The following CNTN5 variants were observed in gnomAD, a reference collection of about 807,000 sequenced individuals.
CNTN5 encodes contactin-5.
In CNTN5, 77 loss-of-function variants were observed where a neutral mutation model predicts 129.1. The observed-to-expected ratio is 0.60, with a 90% CI of 0.50 to 0.72. The LOEUF is 0.72. Ranked by LOEUF, CNTN5 falls within the 30% of genes least tolerant of loss-of-function variation. The pLI is 0.00. For missense variants in CNTN5, 1,478 were observed against 1,328.8 expected (o/e 1.11, Z -1.75); for synonymous variants, 509 against 465.6 (o/e 1.09, Z -1.20).
At position 99,777,645 on chromosome 11, in the gene CNTN5, G is replaced by C. The variant is rs150499914; in HGVS notation, c.56-41899G>C. Among the ~76,000 whole-genome samples, 261 of 151,798 alleles carry C rather than the reference G, an allele frequency of 1.7e-3. 1 individual carries two copies. The highest frequency in any genetic ancestry group is 6.1e-3 in the African/African-American group (255 of 41,470). On this transcript the variant is annotated intron_variant, in intron 3 of 24. Coordinates refer to ENST00000524871, the MANE Select transcript of CNTN5 (RefSeq NM_014361.4). ...TTTTCTGTTAGACTAGTAAATGTGT[G>C]GTTGCCAAGGGTATATTTCTAAATT...
chr11:99,763,870 T>C (rs992112568), intron 3 of CNTN5, among the ~76,000 whole-genome samples: 1 of 152,038 alleles, frequency 6.6e-6, no homozygotes, highest in Non-Finnish European at 1.5e-5. Flanking sequence ...AAAAATTCTA[T>C]GGGCAAAATA....
In CNTN5 at chr11:99,777,192, CA is replaced by C. The variant is rs560097977; in HGVS notation, c.56-42345del. 1.4e-3 allele frequency among the ~76,000 whole-genome samples: 211 copies of C among 151,630 alleles called. 1 individual carries two copies. The highest frequency in any genetic ancestry group is 4.7e-3 in the African/African-American group (193 of 41,440). ...TTCATGATTTTGACAATTTACTATT[CA>C]AAAAAAGTAGTGTTTACAGTAAGAC... On this transcript the variant is annotated intron_variant, in intron 3 of 24. Coordinates refer to ENST00000524871, the MANE Select transcript of CNTN5 (RefSeq NM_014361.4).
At chr11:99,664,751 A>G (rs1454746183) in intron 3 of CNTN5, among the ~76,000 whole-genome samples, 3 of 152,180 alleles carry the variant, frequency 2.0e-5, no homozygotes, top group Non-Finnish European at 2.9e-5. Flanking sequence ...TAACTCAGAG[A>G]TGCCACATTT....
intron 1 of CNTN5, among the ~76,000 whole-genome samples, chr11:99,229,810 A>G (rs915522164): frequency 2.6e-5 from 4 of 152,032 alleles, no homozygotes; most frequent in Middle Eastern, 3.2e-3. Context: ...TCTGGCCTTA[A>G]TAGTCTTAAT....
intron 15 of CNTN5, among the ~76,000 whole-genome samples, chr11:100,215,787 G>A (rs182167904): frequency 2.6e-5 from 4 of 152,220 alleles, no homozygotes; most frequent in African/African-American, 9.6e-5. Context: ...GAGAGGTTGT[G>A]GATTACAGGG....
At chr11:100,010,856 G>A (rs1241461605) in intron 9 of CNTN5, among the ~76,000 whole-genome samples, 1 of 151,970 alleles carries the variant, frequency 6.6e-6, no homozygotes. Context: ...ATTCAGTAAG[G>A]CTTACGTCAA....
chr11:99,630,254 A>ATATATATATATGTGTG (rs1951291835), intron 3 of CNTN5, among the ~76,000 whole-genome samples: 2 of 3,120 alleles, frequency 6.4e-4, no homozygotes, highest in African/African-American at 6.9e-4. Flanking sequence ...ATACATATAT[A>ATATATATATATGTGTG]TATATATATA....
chr11:99,541,441 A>G (rs1001043407), intron 2 of CNTN5, among the ~76,000 whole-genome samples: 2 of 152,050 alleles, frequency 1.3e-5, no homozygotes, highest in African/African-American at 2.4e-5. Flanking sequence ...AGAAATCAGA[A>G]CTCTTACACT....
chr11:99,578,075 G>A (rs1427702026), intron 3 of CNTN5, among the ~76,000 whole-genome samples: 6 of 149,496 alleles, frequency 4.0e-5, no homozygotes, highest in South Asian at 2.1e-4. Context: ...GAGAACATGC[G>A]GTGTTTGGTT....
chr11:99,977,538 T>G (rs548606129), intron 8 of CNTN5, among the ~76,000 whole-genome samples: 1 of 152,290 alleles, frequency 6.6e-6, no homozygotes, highest in Non-Finnish European at 1.5e-5. Flanking sequence ...CTCAGGAAAC[T>G]TACAATCATG....
chr11:99,582,381 A>T (rs190554602), intron 3 of CNTN5, among the ~76,000 whole-genome samples: 1 of 152,242 alleles, frequency 6.6e-6, no homozygotes, highest in African/African-American at 2.4e-5. Context: ...CTGCCTTGCT[A>T]GGTTGGAGAA....
intron 1 of CNTN5, among the ~76,000 whole-genome samples, chr11:99,305,286 A>G (rs1864824230): frequency 6.6e-6 from 1 of 152,198 alleles, no homozygotes; most frequent in Non-Finnish European, 1.5e-5. Context: ...TGTCATGGGA[A>G]AAATAGGTAC....
chr11:100,329,642 A>T (rs1028816566), intron 21 of CNTN5, among the ~76,000 whole-genome samples: 11 of 152,248 alleles, frequency 7.2e-5, no homozygotes, highest in African/African-American at 2.4e-4. Flanking sequence ...GATGACTCAC[A>T]TCACAGGACT....
intron 2 of CNTN5, among the ~76,000 whole-genome samples, chr11:99,422,236 A>C (rs1215961154): frequency 6.6e-6 from 1 of 152,142 alleles, no homozygotes; most frequent in Non-Finnish European, 1.5e-5. Context: ...TCATCATAAT[A>C]TGCAACCTGG....
At chr11:100,252,612 T>C (rs1322566386) in intron 16 of CNTN5, among the ~76,000 whole-genome samples, 2 of 152,260 alleles carry the variant, frequency 1.3e-5, no homozygotes, top group African/African-American at 4.8e-5. Context: ...GTGAGAAGTC[T>C]AGTTTCATTC....
chr11:99,354,357 G>A (rs948797662), intron 2 of CNTN5, among the ~76,000 whole-genome samples: 6 of 152,092 alleles, frequency 3.9e-5, no homozygotes, highest in African/African-American at 1.4e-4. Flanking sequence ...AGTGTAGTTG[G>A]TCATCAATTA....
chr11:99,683,552 C>A (rs1032757346), intron 3 of CNTN5, among the ~76,000 whole-genome samples: 2 of 151,772 alleles, frequency 1.3e-5, no homozygotes, highest in Admixed American at 1.3e-4. Flanking sequence ...TATAATAAAT[C>A]TTTTTACTTG....
At chr11:99,858,685 TTTC>T (rs1227086894) in intron 6 of CNTN5, among the ~76,000 whole-genome samples, 1 of 150,910 alleles carries the variant, frequency 6.6e-6, no homozygotes, top group Non-Finnish European at 1.5e-5. Flanking sequence ...TTTAAAGTTA[TTTC>T]TTAAGATGTT....
At chr11:100,079,415 C>T (rs893542519) in intron 13 of CNTN5, among the ~76,000 whole-genome samples, 2 of 152,010 alleles carry the variant, frequency 1.3e-5, no homozygotes, top group Non-Finnish European at 2.9e-5. Flanking sequence ...AATCTATGTC[C>T]GCAAATCACT....
Sources: gnomAD v4.1 joint callset for allele counts (sites outside exome capture counted in the v4.1 genomes callset) on GRCh38, gnomAD v4.1.1 for gene constraint, MANE v1.5 for transcripts, NCBI Gene and HGNC (gene_info 2026-07-23, HGNC 2026-07-21) for gene names.